GALNT10: variants seen among roughly 807,000 people sequenced by gnomAD.
GALNT10 encodes the protein polypeptide N-acetylgalactosaminyltransferase 10, also known as GalNAc transferase 10.
Under a neutral mutation model 75.0 loss-of-function variants are expected in GALNT10, and 41 were observed. The ratio of observed to expected loss-of-function variants is 0.55; its 90% CI spans 0.43 to 0.71. GALNT10 has a LOEUF of 0.71. Among genes scored for constraint, GALNT10 ranks in the 30% least tolerant of loss-of-function variants. The probability of loss-of-function intolerance (pLI) is 0.00; values close to 1 mark genes in which losing one functional copy is unlikely to be tolerated. For missense variants in GALNT10, 727 were observed against 818.5 expected (o/e 0.89, Z 1.36); for synonymous variants, 302 against 313.0 (o/e 0.96, Z 0.37).
chr5:154,323,379 A>G (rs935777364), intron 3 of GALNT10, among the ~76,000 whole-genome samples: 1 of 152,182 alleles, frequency 6.6e-6, no homozygotes, highest in Admixed American at 6.5e-5. Context: ...TTCAAAAAAA[A>G]AAAAATGTAA....
intron 4 of GALNT10, among the ~76,000 whole-genome samples, chr5:154,349,989 C>T (rs1011287262): frequency 3.3e-5 from 5 of 152,128 alleles, no homozygotes; most frequent in African/African-American, 1.2e-4. Context: ...TCACACAAGC[C>T]ACATTTCACA....
At chr5:154,369,046 G>T (rs999835604) in intron 4 of GALNT10, among the ~76,000 whole-genome samples, 2 of 152,148 alleles carry the variant, frequency 1.3e-5, no homozygotes, top group Non-Finnish European at 2.9e-5. Flanking sequence ...TTTTCTCTTT[G>T]TCTAAGAAAG....
At chr5:154,345,506 A>G (rs1277848443) in intron 4 of GALNT10, among the ~76,000 whole-genome samples, 1 of 151,886 alleles carries the variant, frequency 6.6e-6, no homozygotes, top group African/African-American at 2.4e-5. Flanking sequence ...TATGAGTTCA[A>G]CTTTTTTTAG....
At chr5:154,216,665 T>A (rs970033497) in intron 1 of GALNT10, among the ~76,000 whole-genome samples, 4 of 152,206 alleles carry the variant, frequency 2.6e-5, no homozygotes, top group Non-Finnish European at 2.9e-5. Flanking sequence ...AAGACTTCAC[T>A]CACTGAAAAC....
chr5:154,284,274 A>G (rs1754082760), intron 1 of GALNT10, among the ~76,000 whole-genome samples: 1 of 152,222 alleles, frequency 6.6e-6, no homozygotes, highest in Non-Finnish European at 1.5e-5. Flanking sequence ...TCACAGAGCT[A>G]ATAAACAGAA....
At chr5:154,278,043 G>T (rs1753977144) in intron 1 of GALNT10, among the ~76,000 whole-genome samples, 1 of 152,232 alleles carries the variant, frequency 6.6e-6, no homozygotes, top group Admixed American at 6.5e-5. Flanking sequence ...TGGATGAATG[G>T]ATGAATGAGT....
intron 9 of GALNT10, among the ~76,000 whole-genome samples, chr5:154,410,376 A>G (rs1055002834): frequency 8.8e-6 from 1 of 112,996 alleles, no homozygotes; most frequent in African/African-American, 3.8e-5. Context: ...CCCTGTCTCT[A>G]CAAAAAAAAA....
At chr5:154,380,379 G>T (rs1049050921) in intron 5 of GALNT10, 69 bp from the exon 6 acceptor site, 27 of 1,227,260 alleles carry the variant, frequency 2.2e-5, no homozygotes, top group African/African-American at 8.9e-5. Flanking sequence ...GTAAGCTGCA[G>T]AACAGGATGG....
intron 4 of GALNT10, among the ~76,000 whole-genome samples, chr5:154,348,293 A>G (rs757100623): frequency 6.6e-6 from 1 of 152,214 alleles, no homozygotes; most frequent in Non-Finnish European, 1.5e-5. Flanking sequence ...CTTTGGTCAC[A>G]TTGTCCATTT....
intron 3 of GALNT10, among the ~76,000 whole-genome samples, chr5:154,311,999 A>G (rs561141630): frequency 1.1e-3 from 167 of 152,314 alleles, no homozygotes; most frequent in Admixed American, 3.6e-3. Context: ...TAAATCCAGC[A>G]AACACAACCA....
At chr5:154,396,726 C>T (rs1308369529) in intron 7 of GALNT10, among the ~76,000 whole-genome samples, 1 of 152,156 alleles carries the variant, frequency 6.6e-6, no homozygotes, top group Non-Finnish European at 1.5e-5. Context: ...GTAACCATCT[C>T]GCCCTTGTTG....
chr5:154,289,402 G>GCATT (rs1230682612), intron 1 of GALNT10, among the ~76,000 whole-genome samples: 63 of 152,272 alleles, frequency 4.1e-4, no homozygotes, highest in Non-Finnish European at 7.4e-4. Context: ...CCATTGATGA[G>GCATT]CATTCATTCA....
chr5:154,290,308 C>T (rs1337172150), intron 1 of GALNT10, among the ~76,000 whole-genome samples: 1 of 114,610 alleles, frequency 8.7e-6, no homozygotes, highest in African/African-American at 3.4e-5. Context: ...GACACGGTTT[C>T]ACCATGTTGG....
chr5:154,294,223 T>A (rs896002685), intron 1 of GALNT10, among the ~76,000 whole-genome samples: 12 of 152,090 alleles, frequency 7.9e-5, no homozygotes, highest in African/African-American at 2.9e-4. Flanking sequence ...TAGTCCCAGC[T>A]ACTCAGAGGT....
At chr5:154,311,740 A>G (rs2113096189) in intron 3 of GALNT10, among the ~76,000 whole-genome samples, 1 of 152,096 alleles carries the variant, frequency 6.6e-6, no homozygotes, top group Non-Finnish European at 1.5e-5. Context: ...CCTCTCGAGT[A>G]GCTGGGACTA....
At chr5:154,250,447 G>C (rs1268690172) in intron 1 of GALNT10, among the ~76,000 whole-genome samples, 1 of 152,082 alleles carries the variant, frequency 6.6e-6, no homozygotes, top group African/African-American at 2.4e-5. Flanking sequence ...GGGACTATGG[G>C]GTTAATTCAT....
intron 1 of GALNT10, among the ~76,000 whole-genome samples, chr5:154,254,990 G>A (rs549643586): frequency 2.0e-5 from 3 of 152,008 alleles, no homozygotes; most frequent in East Asian, 1.9e-4. Flanking sequence ...GAAGGGCATC[G>A]TTGTTGTTGT....
intron 1 of GALNT10, among the ~76,000 whole-genome samples, chr5:154,259,183 T>C (rs1439238745): frequency 3.9e-5 from 6 of 152,204 alleles, no homozygotes; most frequent in Non-Finnish European, 7.3e-5. Context: ...TTAGTTTCCT[T>C]CAACCTGTGA....
chr5:154,410,927 G>T (rs1273520988), intron 9 of GALNT10, among the ~76,000 whole-genome samples: 2 of 152,242 alleles, frequency 1.3e-5, no homozygotes, highest in African/African-American at 4.8e-5. Flanking sequence ...TTTAAATCAA[G>T]CCAGGCCCTC....
Sources: gnomAD v4.1 joint callset for allele counts (sites outside exome capture counted in the v4.1 genomes callset) on GRCh38, gnomAD v4.1.1 for gene constraint, MANE v1.5 for transcripts, NCBI Gene and HGNC (gene_info 2026-07-23, HGNC 2026-07-21) for gene names.